PEAR1: variants seen among roughly 807,000 people sequenced by gnomAD.
The protein encoded by PEAR1 is multiple EGF-like domains protein 12.
A neutral mutation model predicts 131.2 loss-of-function variants in PEAR1; 113 were observed. The ratio of observed to expected loss-of-function variants is 0.86; its 90% CI spans 0.74 to 1.01. The LOEUF (loss-of-function observed/expected upper bound fraction) is 1.01. Among genes scored for constraint, PEAR1 ranks in the 50% least tolerant of loss-of-function variants. The probability of loss-of-function intolerance (pLI) is 0.00; values close to 1 mark genes in which losing one functional copy is unlikely to be tolerated. For synonymous variants in PEAR1, 565 were observed against 523.3 expected, an observed-to-expected ratio of 1.08 and a Z score of -1.09; for missense variants, 1,408 against 1,391.1, an observed-to-expected ratio of 1.01 and a Z score of -0.19.
Position 156,912,318 on chromosome 1 carries a change from C to A in PEAR1, c.2023C>A (p.Pro675Thr), listed in dbSNP as rs538084934. 2.8e-5 allele frequency: 45 copies of A among 1,614,072 alleles called. No homozygotes were observed. In the South Asian group the frequency reaches 4.5e-4, roughly 16 times the overall value. ...ATGTCACCATGGTGGGACCTGCCAT[C>A]CCCAGGATGGGAGCTGTATCTGCCC... The part of the protein sequence containing the change: ...CQCHHGGTCH[P>T]QDGSCICPLG... Residue 675 changes from proline (P) to threonine (T), a missense_variant, in exon 16 of 23, where the codon CCC (proline) becomes ACC (threonine). Physicochemically the swap from Pro to Thr is conservative, Grantham distance 38 (BLOSUM62 -1). Transcript: ENST00000292357.
Position 156,913,498 on chromosome 1 carries a change from G to GC in PEAR1, c.2624dup (p.Pro876SerfsTer18). 1 of 1,612,956 alleles carries GC rather than the reference G, an allele frequency of 6.2e-7. No individual in the cohort carries two copies. Among genetic ancestry groups the GC allele is most frequent in the Non-Finnish European group, 8.5e-7 (1 of 1,180,006 alleles). The stretch of plus-strand genomic sequence containing the variant: ...CTGCTGACTGGAAGCACCGCCGGGA[G>GC]CCCCCTCCAGGGCCTCTGGACAGGG... On this transcript the variant is annotated frameshift_variant, in exon 20 of 23. Transcript: ENST00000292357. LOFTEE classifies it high-confidence loss of function.
Position 156,904,763 on chromosome 1 carries a change from C to A in PEAR1, c.117C>A (p.Thr39=). Reference sequence around the variant, plus strand: ...TGTCTTGCAGCTTCACTACCACCACCAAGGAGTCCCACTCCCGCCCCTTCA... The same window carrying A: ...TGTCTTGCAGCTTCACTACCACCACAAAGGAGTCCCACTCCCGCCCCTTCA... ...CSFWESFTTT[T]KESHSRPFSL... is the part of the protein sequence containing the mutation. Residue 39 remains threonine, a synonymous_variant, in exon 3 of 23, where the codon ACC becomes ACA. Transcript: ENST00000292357. The A allele has an allele frequency of 6.2e-7, 1 of 1,612,634 alleles. No homozygotes were observed. The highest frequency in any genetic ancestry group is 2.2e-5 in the East Asian group (1 of 44,874).
Position 156,913,854 on chromosome 1 carries a change from C to A in PEAR1, c.2716C>A (p.Leu906Ile). Residue 906 changes from leucine to isoleucine, a missense_variant and splice_region_variant, in exon 22 of 23, where the codon CTC (leucine) becomes ATC (isoleucine). Physicochemically the swap from Leu to Ile is conservative, Grantham distance 5. Coordinates refer to ENST00000292357, the MANE Select transcript of PEAR1 (RefSeq NM_001080471.3). ...TGACTTCTTTCCTCTATCCTTAGGG[C>A]TCATCTCTGAAGAGGAGCTCGGGGC... ...NGPGPFYNKG[L>I]ISEEELGASV... The A allele has an allele frequency of 6.2e-7, 1 of 1,612,706 alleles. No homozygotes were observed. The highest frequency in any genetic ancestry group is 8.5e-7 in the Non-Finnish European group (1 of 1,179,250).
Position 156,912,293 on chromosome 1 carries a change from A to G in PEAR1, c.1998A>G (p.Gln666=). 6.2e-7 allele frequency: 1 copy of G among 1,613,934 alleles called. No homozygotes were observed. Among genetic ancestry groups the G allele is most frequent in the Admixed American group, 1.7e-5 (1 of 60,006 alleles). The change falls in exon 16 of 23, where the codon CAA becomes CAG. Residue 666 remains glutamine (Q), a synonymous_variant. Transcript: ENST00000292357. ...GAGAAAACTGTGCCCAGACCTGCCA[A>G]TGTCACCATGGTGGGACCTGCCATC... The part of the protein sequence containing the change: ...HWGENCAQTC[Q]CHHGGTCHPQ...
At chr1:156,900,671 C>T (rs879466285) in intron 1 of PEAR1, among the ~76,000 whole-genome samples, 4 of 152,136 alleles carry the variant, frequency 2.6e-5, no homozygotes, top group Non-Finnish European at 5.9e-5. Context: ...TTATGATTCT[C>T]GGGAGGGAAG....
chr1:156,908,536 T>C lies in PEAR1; in HGVS notation c.1116-119T>C. ...CCAGTTTTCAGAATAGCGCGGAGCC[T>C]CCCTAGTGACCCCCTTACCCCAGCG... On this transcript the variant is annotated intron_variant, in intron 9 of 22. Coordinates refer to ENST00000292357, the MANE Select transcript of PEAR1 (RefSeq NM_001080471.3). The surrounding 1 kb of genome is among the most constrained non-coding windows in gnomAD (Gnocchi z 4.2). 1 of 1,224,324 alleles carries C rather than the reference T, an allele frequency of 8.2e-7. No individual in the cohort carries two copies. The highest frequency in any genetic ancestry group is 1.6e-5 in the South Asian group (1 of 63,786). The allele number at this position is 1,224,324 out of a possible 1,614,324, so 75.8% of individuals were successfully genotyped here.
In PEAR1 at chr1:156,906,746, GC is replaced by G. The variant is rs1433035394; in HGVS notation, c.515del (p.Pro172ArgfsTer205). The G allele has an allele frequency of 6.2e-7, 1 of 1,614,242 alleles. No individual in the cohort carries two copies. Among genetic ancestry groups the G allele is most frequent in the Non-Finnish European group, 8.5e-7 (1 of 1,180,042 alleles). ...TATGTTCTTGCCCTTCTGGTCTGCA[GC>G]CCCCGAACTGCCTTCAGCCCTGTAC... ...GVCSCPSGLQ[P>X]PNCLQPCTPG... is the part of the protein sequence containing the mutation. On this transcript the variant is annotated frameshift_variant, in exon 6 of 23. Coordinates refer to ENST00000292357, the MANE Select transcript of PEAR1 (RefSeq NM_001080471.3). LOFTEE classifies it high-confidence loss of function.
At position 156,915,611 on chromosome 1, in the gene PEAR1, C is replaced by T. The variant is rs1198676246; in HGVS notation, c.*813C>T. 9 of 152,322 alleles carry T rather than the reference C, an allele frequency of 5.9e-5. No individual in the cohort carries two copies. The highest frequency in any genetic ancestry group is 4.4e-5 in the Non-Finnish European group (3 of 68,096). 9.4% of individuals were successfully genotyped at this position (152,322 alleles called of 1,614,324 possible). A position where few individuals can be genotyped will look rare whatever the true frequency, so the allele number is the denominator to read the frequency against. ...CCTCCTCAGGGAAGTGCCCACCCTCCGTACATCTTTCACAGCCCTGATTGC... is the reference window on the plus strand; with the variant it reads ...CCTCCTCAGGGAAGTGCCCACCCTCTGTACATCTTTCACAGCCCTGATTGC... On this transcript the variant is annotated 3_prime_UTR_variant, in exon 23 of 23. Coordinates refer to ENST00000292357, the MANE Select transcript of PEAR1 (RefSeq NM_001080471.3).
intron 5 of PEAR1, 96 bp from the exon 6 acceptor site, chr1:156,906,541 G>T (rs1418911715): frequency 2.5e-6 from 4 of 1,568,858 alleles, no homozygotes; most frequent in Non-Finnish European, 3.5e-6. Flanking sequence ...GGGTGGGCCT[G>T]TGGGGGCTGG....
chr1:156,908,333 A>G lies in PEAR1; in HGVS notation c.1108A>G (p.Ser370Gly). The change falls in exon 9 of 23, where the codon AGC becomes GGC. Residue 370 changes from serine (S) to glycine (G), a missense_variant. Ser to Gly is a moderately conservative substitution (Grantham distance 56). Coordinates refer to ENST00000292357, the MANE Select transcript of PEAR1 (RefSeq NM_001080471.3). The surrounding 1 kb of genome is among the most constrained non-coding windows in gnomAD (Gnocchi z 4.2). ...QAPCTCDREH[S>G]LSCHPMNGEC... The stretch of plus-strand genomic sequence containing the variant: ...CCCCTGCACCTGCGACCGGGAGCAC[A>G]GCCTCAGGTGGGCCGCGGGACATGT... 6.5e-7 allele frequency: 1 copy of G among 1,531,564 alleles called. No individual in the cohort carries two copies. The highest frequency in any genetic ancestry group is 8.8e-7 in the Non-Finnish European group (1 of 1,142,006). 94.9% of individuals were successfully genotyped at this position (1,531,564 alleles called of 1,614,324 possible).
Position 156,913,853 on chromosome 1 carries a change from G to A in PEAR1, c.2715G>A (p.Gly905=), listed in dbSNP as rs779536794. ...SNGPGPFYNK[G]LISEEELGAS... is the part of the protein sequence containing the mutation. Reference sequence around the variant, plus strand: ...CTGACTTCTTTCCTCTATCCTTAGGGCTCATCTCTGAAGAGGAGCTCGGGG... The same window carrying A: ...CTGACTTCTTTCCTCTATCCTTAGGACTCATCTCTGAAGAGGAGCTCGGGG... Residue 905 remains glycine, a splice_region_variant and synonymous_variant, in exon 22 of 23, where the codon GGG becomes GGA. Transcript: ENST00000292357. The A allele has an allele frequency of 3.8e-5, 62 of 1,612,726 alleles. 1 individual carries two copies. The Admixed American group carries it at 1.0e-3, about 27-fold the overall frequency.
At chr1:156,910,404 C>T in intron 14 of PEAR1, 24 bp downstream of exon 14, 1 of 1,566,172 alleles carries the variant, frequency 6.4e-7, no homozygotes, top group Non-Finnish European at 8.7e-7. Flanking sequence ...CTGCCCCTTC[C>T]ACCTGCCACC....
chr1:156,908,489 G>A lies in PEAR1; in HGVS notation c.1115+149G>A. The A allele has an allele frequency of 8.2e-7, 1 of 1,219,674 alleles. No homozygotes were observed. Among genetic ancestry groups the A allele is most frequent in the Non-Finnish European group, 1.1e-6 (1 of 902,516 alleles). The allele number at this position is 1,219,674 out of a possible 1,614,324, so 75.6% of individuals were successfully genotyped here. A position where few individuals can be genotyped will look rare whatever the true frequency, so the allele number is the denominator to read the frequency against. On this transcript the variant is annotated intron_variant, in intron 9 of 22. Coordinates refer to ENST00000292357, the MANE Select transcript of PEAR1 (RefSeq NM_001080471.3). This position sits in a 1 kb window ranked among gnomAD's most constrained non-coding sequence, Gnocchi z 4.2. ...GACCTCAGGGGCCGGGAGGGGCCTG[G>A]GGTACCGCTACTTGCCCCAACCCAG...
Position 156,906,294 on chromosome 1 carries a change from G to A in PEAR1, c.326G>A (p.Cys109Tyr). The change falls in exon 5 of 23, where the codon TGT (cysteine) becomes TAT (tyrosine). Residue 109 changes from cysteine (C) to tyrosine (Y), a missense_variant. By Grantham distance (194) the Cys-to-Tyr change is radical. Coordinates refer to ENST00000292357, the MANE Select transcript of PEAR1 (RefSeq NM_001080471.3). Reference protein sequence around the residue: ...GFCVPLCAQECVHGRCVAPNQ... With the variant: ...GFCVPLCAQEYVHGRCVAPNQ... The stretch of plus-strand genomic sequence containing the variant: ...GTCCCAGCGCTCTGTGCCCAGGAGT[G>A]TGTCCATGGCCGTTGTGTGGCACCC... The A allele has an allele frequency of 1.2e-6, 2 of 1,614,190 alleles. No individual in the cohort carries two copies. Among genetic ancestry groups the A allele is most frequent in the South Asian group, 2.2e-5 (2 of 91,088 alleles).
At chr1:156,911,698 A>G (rs1651227783) in intron 15 of PEAR1, among the ~76,000 whole-genome samples, 2 of 152,094 alleles carry the variant, frequency 1.3e-5, no homozygotes, top group East Asian at 3.9e-4. Flanking sequence ...TATTAAGATC[A>G]TTGAAAAGAT....
chr1:156,910,941 T>A (rs1351326319), intron 15 of PEAR1, among the ~76,000 whole-genome samples, 198 bp downstream of exon 15: 1 of 152,220 alleles, frequency 6.6e-6, no homozygotes, highest in Non-Finnish European at 1.5e-5. Context: ...GGGGAAAAAT[T>A]CCTGCCCTTC....
chr1:156,899,403 T>C (rs1649462767), intron 1 of PEAR1, among the ~76,000 whole-genome samples: 1 of 151,638 alleles, frequency 6.6e-6, no homozygotes, highest in Admixed American at 6.6e-5. Flanking sequence ...GGCTTGAAGA[T>C]GCACCTGGCG....
At chr1:156,899,702 T>C (rs1412460191) in intron 1 of PEAR1, among the ~76,000 whole-genome samples, 1 of 152,104 alleles carries the variant, frequency 6.6e-6, no homozygotes. Context: ...AACTGCTTTA[T>C]CTAGATCAAC....
Position 156,910,694 on chromosome 1 carries a change from C to A in PEAR1, c.1902C>A (p.Asn634Lys). 1 of 1,614,088 alleles carries A rather than the reference C, an allele frequency of 6.2e-7. No individual in the cohort carries two copies. The highest frequency in any genetic ancestry group is 1.1e-5 in the South Asian group (1 of 91,078). ...CANHSFCHPS[N>K]GTCYCLAGWT... ...ACCACTCCTTCTGCCACCCCTCGAA[C>A]GGGACCTGCTACTGCCTGGCTGGCT... Residue 634 changes from asparagine (N) to lysine (K), a missense_variant, in exon 15 of 23, where the codon AAC becomes AAA. Asn to Lys is a moderately conservative substitution (Grantham distance 94, BLOSUM62 0). Coordinates refer to ENST00000292357, the MANE Select transcript of PEAR1 (RefSeq NM_001080471.3).
Sources: gnomAD v4.1 joint callset for allele counts (sites outside exome capture counted in the v4.1 genomes callset) on GRCh38, gnomAD v4.1.1 for gene constraint, Gnocchi (gnomAD v3.1) non-coding constraint, MANE v1.5 for transcripts, NCBI Gene and HGNC (gene_info 2026-07-23, HGNC 2026-07-21) for gene names.